The following RBFOX1 variants were observed in gnomAD, a reference collection of about 807,000 sequenced individuals.
The protein encoded by RBFOX1 is RNA binding protein fox-1 homolog 1.
In RBFOX1, 8 loss-of-function variants were observed where a neutral mutation model predicts 57.7. The ratio of observed to expected loss-of-function variants is 0.14; its 90% CI spans 0.08 to 0.25. The LOEUF (loss-of-function observed/expected upper bound fraction) is 0.25, where lower values mean the gene tolerates loss of function less well. Ranked by LOEUF, RBFOX1 falls within the 10% of genes least tolerant of loss-of-function variation. The pLI, the probability that RBFOX1 is intolerant of heterozygous loss-of-function variation, is 1.00. For synonymous variants in RBFOX1, 326 were observed against 222.4 expected, an observed-to-expected ratio of 1.47 and a Z score of -4.15; for missense variants, 611 against 548.5, an observed-to-expected ratio of 1.11 and a Z score of -1.14.
At chr16:7,629,585 A>G (rs1435770359) in intron 10 of RBFOX1, among the ~76,000 whole-genome samples, 4 of 152,108 alleles carry the variant, frequency 2.6e-5, no homozygotes, top group Admixed American at 6.5e-5. Flanking sequence ...TCAGAATTCT[A>G]ATTATTTTCA....
At chr16:5,751,476 T>C (rs2053201073) in intron 3 of RBFOX1, among the ~76,000 whole-genome samples, 1 of 152,228 alleles carries the variant, frequency 6.6e-6, no homozygotes, top group African/African-American at 2.4e-5. Context: ...CTGCTTAAAA[T>C]CAGATAGATT....
intron 4 of RBFOX1, among the ~76,000 whole-genome samples, chr16:7,078,179 C>G (rs2058600052): frequency 1.3e-5 from 2 of 152,120 alleles, no homozygotes; most frequent in Non-Finnish European, 2.9e-5. Flanking sequence ...CATCGTTTTC[C>G]TGCAGAAGAA....
At chr16:7,216,653 G>A (rs527651837) in intron 4 of RBFOX1, among the ~76,000 whole-genome samples, 41 of 138,088 alleles carry the variant, frequency 3.0e-4, no homozygotes, top group African/African-American at 9.7e-4. Flanking sequence ...GTGAGACTCC[G>A]TCAAAATAAA....
chr16:5,591,262 T>A (rs1031006201), intron 2 of RBFOX1, among the ~76,000 whole-genome samples: 12 of 151,926 alleles, frequency 7.9e-5, no homozygotes, highest in Admixed American at 1.3e-4. Flanking sequence ...CTTTTTTTTT[T>A]TTTTTTGAGA....
chr16:6,861,849 T>G lies in RBFOX1; in HGVS notation c.-15-190208T>G, dbSNP rs568554208. Among the ~76,000 whole-genome samples the G allele has an allele frequency of 2.6e-3, 378 of 143,934 alleles. 1 individual carries two copies. Among genetic ancestry groups the G allele is most frequent in the African/African-American group, 0.01 (368 of 36,780 alleles). The allele number at this position is 143,934 out of a possible 152,430, so 94.4% of individuals were successfully genotyped here. A position where few individuals can be genotyped will look rare whatever the true frequency, so the allele number is the denominator to read the frequency against. ...TTTTTTTTTTTTTTTTTTTTTGGTT[T>G]TTTTTTTGGTCTAGCTTGCACTTTC... On this transcript the variant is annotated intron_variant, in intron 3 of 15. Coordinates refer to ENST00000550418, the MANE Select transcript of RBFOX1 (RefSeq NM_018723.4).
chr16:6,508,866 T>C (rs1397391084), intron 2 of RBFOX1, among the ~76,000 whole-genome samples: 1 of 121,102 alleles, frequency 8.3e-6, no homozygotes, highest in Non-Finnish European at 1.8e-5. Context: ...CTACGAATCA[T>C]AACAAAAAAA....
At chr16:5,845,541 A>C (rs2056734762) in intron 3 of RBFOX1, among the ~76,000 whole-genome samples, 1 of 152,190 alleles carries the variant, frequency 6.6e-6, no homozygotes, top group Non-Finnish European at 1.5e-5. Context: ...TCTTACCTGC[A>C]CCTTGGTCCA....
intron 1 of RBFOX1, among the ~76,000 whole-genome samples, chr16:5,369,809 T>C (rs1174295605): frequency 6.6e-6 from 1 of 152,166 alleles, no homozygotes; most frequent in Non-Finnish European, 1.5e-5. Context: ...GACGCTATCA[T>C]TTAAAATAAT....
chr16:6,743,065 C>G (rs949418857), intron 3 of RBFOX1, among the ~76,000 whole-genome samples: 2 of 152,072 alleles, frequency 1.3e-5, no homozygotes, highest in African/African-American at 2.4e-5. Context: ...AACAATACTT[C>G]TCTGTAGTGT....
intron 1 of RBFOX1, among the ~76,000 whole-genome samples, chr16:6,237,544 C>G (rs571249120): frequency 3.9e-5 from 6 of 152,166 alleles, no homozygotes; most frequent in East Asian, 1.9e-4. Context: ...GAGTTCAAGA[C>G]CAGCCTTGCC....
At position 7,408,776 on chromosome 16, in the gene RBFOX1, C is replaced by T. The variant is rs1445292819; in HGVS notation, c.28-109371C>T. Reference sequence around the variant, plus strand: ...CCTATCCACTTTATGCCAGTAGCATCCCCTCCCTCCTTGTTGTGTTGTTAC... The same window carrying T: ...CCTATCCACTTTATGCCAGTAGCATTCCCTCCCTCCTTGTTGTGTTGTTAC... On this transcript the variant is annotated intron_variant, in intron 4 of 15. Transcript: ENST00000550418. 2.6e-5 allele frequency among the ~76,000 whole-genome samples: 4 copies of T among 152,144 alleles called. No individual in the cohort carries two copies. The East Asian group carries it at 7.7e-4, about 29-fold the overall frequency.
intron 4 of RBFOX1, among the ~76,000 whole-genome samples, chr16:7,132,981 A>T (rs934505349): frequency 1.3e-5 from 2 of 152,226 alleles, no homozygotes; most frequent in Non-Finnish European, 2.9e-5. Flanking sequence ...CAGAAAACAA[A>T]CCGTTATACC....
intron 3 of RBFOX1, among the ~76,000 whole-genome samples, chr16:5,636,094 C>T (rs2108993): frequency 0.87 from 132,374 of 152,028 alleles, 58,013 homozygotes; most frequent in Non-Finnish European, 0.91. Flanking sequence ...ATGCCTGTAA[C>T]CCCAGCACTT....
At chr16:6,722,950 C>A (rs1039621312) in intron 3 of RBFOX1, among the ~76,000 whole-genome samples, 1 of 152,134 alleles carries the variant, frequency 6.6e-6, no homozygotes, top group African/African-American at 2.4e-5. Context: ...TGCTTCTAGG[C>A]AAGTCAGGAG....
intron 3 of RBFOX1, among the ~76,000 whole-genome samples, chr16:6,837,294 A>G (rs750943884): frequency 6.6e-6 from 1 of 152,222 alleles, no homozygotes; most frequent in Non-Finnish European, 1.5e-5. Flanking sequence ...GAGGTGGCTC[A>G]AGACCCAGGC....
intron 4 of RBFOX1, among the ~76,000 whole-genome samples, chr16:7,234,141 C>A (rs145595268): frequency 1.4e-3 from 208 of 152,244 alleles, no homozygotes; most frequent in Admixed American, 2.9e-3. Context: ...GTTTTGCTGG[C>A]AGACGCTTTT....
chr16:6,878,743 C>T (rs1053389706), intron 3 of RBFOX1, among the ~76,000 whole-genome samples: 5 of 152,150 alleles, frequency 3.3e-5, no homozygotes, highest in Non-Finnish European at 4.4e-5. Context: ...TGATATATCC[C>T]ATGAGAGTTT....
intron 1 of RBFOX1, among the ~76,000 whole-genome samples, chr16:5,342,675 T>A (rs939984045): frequency 6.6e-6 from 1 of 152,172 alleles, no homozygotes; most frequent in Admixed American, 6.5e-5. Flanking sequence ...GGTCTTAGAC[T>A]GCATTGTGAA....
intron 4 of RBFOX1, among the ~76,000 whole-genome samples, chr16:7,140,413 T>C (rs547429949): frequency 7.2e-5 from 11 of 152,142 alleles, no homozygotes; most frequent in East Asian, 1.9e-4. Context: ...TTTGCACTTA[T>C]GTTTTCATGG....
Sources: allele counts gnomAD v4.1 joint callset (sites outside exome capture counted in the v4.1 genomes callset), GRCh38; gene constraint gnomAD v4.1.1; transcripts MANE v1.5; gene names NCBI Gene and HGNC (gene_info 2026-07-23, HGNC 2026-07-21).